KCNT1: variants seen among roughly 807,000 people sequenced by gnomAD.
The protein encoded by KCNT1 is potassium channel subfamily T member 1.
A neutral mutation model predicts 147.8 loss-of-function variants in KCNT1; 78 were observed. The ratio of observed to expected loss-of-function variants is 0.53; its 90% CI spans 0.44 to 0.64. The LOEUF (loss-of-function observed/expected upper bound fraction) is 0.64, where lower values mean the gene tolerates loss of function less well. Ranked by LOEUF, KCNT1 falls within the 30% of genes least tolerant of loss-of-function variation. The pLI is 0.00. For synonymous variants in KCNT1, 867 were observed against 748.8 expected (o/e 1.16, Z -2.58); for missense variants, 1,419 against 1,750.3 (o/e 0.81, Z 3.38).
intron 20 of KCNT1, among the ~76,000 whole-genome samples, chr9:135,776,115 T>TCA (rs1293790540): frequency 6.6e-6 from 1 of 151,974 alleles, no homozygotes; most frequent in African/African-American, 2.4e-5. Flanking sequence ...CAAGCTGGGG[T>TCA]CAGTAGGGTT....
intron 1 of KCNT1, among the ~76,000 whole-genome samples, chr9:135,705,271 A>G (rs1431539705): frequency 6.6e-6 from 1 of 152,178 alleles, no homozygotes; most frequent in Non-Finnish European, 1.5e-5. Context: ...CCCAGGTGCC[A>G]TCGGCCCTGG....
Position 135,786,249 on chromosome 9 carries a change from G to A in KCNT1, c.3230G>A (p.Gly1077Glu). The change falls in exon 29 of 31, where the codon GGG becomes GAG. Residue 1077 changes from glycine to glutamate, a missense_variant. Around this residue, in one of 5 missense-constraint regions of KCNT1, gnomAD observed 306 missense variants for 294.2 expected, o/e 1.04. Coordinates refer to ENST00000371757, the MANE Select transcript of KCNT1 (RefSeq NM_020822.3). ...EDCEDTREVK[G>E]PWGSRAGTGG... ...TGTGAGGACACACGGGAAGTGAAGG[G>A]GCCCTGGGGCTCCCGCGCTGGCACC... is the stretch of plus-strand genomic sequence containing the variant. 1 of 1,611,418 alleles carries A rather than the reference G, an allele frequency of 6.2e-7. No homozygotes were observed. The highest frequency in any genetic ancestry group is 1.3e-5 in the African/African-American group (1 of 74,966).
rs1831234323 is a variant in KCNT1, at chr9:135,752,514, C to T, written c.435-1423C>T. On this transcript the variant is annotated intron_variant, in intron 4 of 30. Coordinates refer to ENST00000371757, the MANE Select transcript of KCNT1 (RefSeq NM_020822.3). This position sits in a 1 kb window ranked among gnomAD's most constrained non-coding sequence, Gnocchi z 5.1. ...TGGGGCTTCTGGTTTCACATCCCCA[C>T]AGGGCCCAAGTCTGTTGTGTTCACT... 2.2e-6 allele frequency: 1 copy of T among 451,646 alleles called. No individual in the cohort carries two copies. Among genetic ancestry groups the T allele is most frequent in the Non-Finnish European group, 4.4e-6 (1 of 224,820 alleles). The allele number at this position is 451,646 out of a possible 1,614,324, so 28.0% of individuals were successfully genotyped here.
intron 10 of KCNT1, among the ~76,000 whole-genome samples, chr9:135,759,138 T>G (rs1420487647): frequency 6.6e-6 from 1 of 152,116 alleles, no homozygotes; most frequent in Non-Finnish European, 1.5e-5. Context: ...GGGGCATCCA[T>G]GAGGATAGCA....
At position 135,767,333 on chromosome 9, in the gene KCNT1, A is replaced by G. The variant is rs554842709; in HGVS notation, c.1338-1277A>G. On this transcript the variant is annotated intron_variant, in intron 13 of 30. Coordinates refer to ENST00000371757, the MANE Select transcript of KCNT1 (RefSeq NM_020822.3). ...CAGGGATGAGCCCAGGGCTGTGGGT[A>G]CAGGGCCTGGGGCCCCTGCGGAGCA... Among the ~76,000 whole-genome samples the G allele has an allele frequency of 1.2e-4, 18 of 152,326 alleles. No homozygotes were observed. In the East Asian group the frequency reaches 3.3e-3, roughly 28 times the overall value.
In KCNT1 at chr9:135,714,689, C is replaced by A; in HGVS notation, c.223C>A (p.Leu75Met). 1 of 1,468,498 alleles carries A rather than the reference C, an allele frequency of 6.8e-7. No homozygotes were observed. The highest frequency in any genetic ancestry group is 1.2e-5 in the South Asian group (1 of 80,662). The allele number at this position is 1,468,498 out of a possible 1,614,324, so 91.0% of individuals were successfully genotyped here. A position where few individuals can be genotyped will look rare whatever the true frequency, so the allele number is the denominator to read the frequency against. Residue 75 changes from leucine (L) to methionine (M), a missense_variant, in exon 2 of 31, where the codon CTG becomes ATG. Around this residue, in one of 5 missense-constraint regions of KCNT1, gnomAD observed 181 missense variants for 155.7 expected, o/e 1.16. Transcript: ENST00000371757. The surrounding 1 kb of genome is among the most constrained non-coding windows in gnomAD (Gnocchi z 6.2). The part of the protein sequence containing the change: ...PPRYRFRDLL[L>M]GDPSFQNDDR... ...GCGCTACCGCTTCCGGGACCTGCTG[C>A]TGGGCGACCCGTCCTTCCAGAACGA...
At chr9:135,785,987 C>T in intron 28 of KCNT1, 1 of 591,616 alleles carries the variant, frequency 1.7e-6, no homozygotes, top group Non-Finnish European at 3.0e-6. Flanking sequence ...GCGATCTGTG[C>T]TCAGGAGGAA....
rs778538243 is a variant in KCNT1 at position 135,759,860 on chromosome 9, G to T, written c.1035+1G>T. 6.3e-7 allele frequency: 1 copy of T among 1,599,658 alleles called. No homozygotes were observed. Among genetic ancestry groups the T allele is most frequent in the Admixed American group, 1.7e-5 (1 of 59,066 alleles). The stretch of plus-strand genomic sequence containing the variant: ...GGCCCTCGTGGTGCTCCCACTGCAG[G>T]TGGGTCCTCTGGGCACCAGCCCTGG... On this transcript the variant is annotated splice_donor_variant, in intron 11 of 30. Coordinates refer to ENST00000371757, the MANE Select transcript of KCNT1 (RefSeq NM_020822.3). LOFTEE classifies it high-confidence loss of function.
At chr9:135,777,624 G>A in intron 21 of KCNT1, 114 bp downstream of exon 21, 10 of 971,968 alleles carry the variant, frequency 1.0e-5, no homozygotes, top group Non-Finnish European at 1.5e-5. Flanking sequence ...GGAACATGGG[G>A]CCTCTGGCCT....
At chr9:135,758,165 A>G (rs1471359741) in intron 9 of KCNT1, among the ~76,000 whole-genome samples, 2 of 142,214 alleles carry the variant, frequency 1.4e-5, no homozygotes, top group African/African-American at 5.4e-5. Flanking sequence ...CTCAGCCGAG[A>G]CACAGGTGTG....
intron 1 of KCNT1, among the ~76,000 whole-genome samples, chr9:135,712,275 G>C (rs1835532740): frequency 6.6e-6 from 1 of 152,212 alleles, no homozygotes; most frequent in African/African-American, 2.4e-5. Context: ...TGAGGAGAGG[G>C]ACACCTTCCT....
chr9:135,748,630 T>G (rs1318486860), intron 2 of KCNT1, among the ~76,000 whole-genome samples: 3 of 152,202 alleles, frequency 2.0e-5, no homozygotes, highest in African/African-American at 7.2e-5. Context: ...CTCCCCCGAC[T>G]TCTGGACAGC....
At chr9:135,759,648 C>T in intron 10 of KCNT1, 31 bp from the exon 11 acceptor site, 1 of 1,569,338 alleles carries the variant, frequency 6.4e-7, no homozygotes, top group Non-Finnish European at 8.6e-7. Context: ...CTCCTGGGCC[C>T]CAGGCCGCCC....
At chr9:135,773,090 C>T (rs1307272124) in intron 19 of KCNT1, 141 bp downstream of exon 19, 3 of 568,212 alleles carry the variant, frequency 5.3e-6, no homozygotes, top group East Asian at 6.7e-5. Context: ...CCTTGTTTGA[C>T]AAATGAAATC....
At chr9:135,773,642 C>A (rs1279560021) in intron 19 of KCNT1, among the ~76,000 whole-genome samples, 2 of 152,394 alleles carry the variant, frequency 1.3e-5, no homozygotes, top group Admixed American at 6.5e-5. Flanking sequence ...CCAGGACAGA[C>A]AAGTGCCCCA....
chr9:135,712,566 C>G lies in KCNT1; in HGVS notation c.111-2011C>G, dbSNP rs1835545817. Among the ~76,000 whole-genome samples the G allele has an allele frequency of 1.3e-5, 2 of 152,046 alleles. 1 individual carries two copies. The highest frequency in any genetic ancestry group is 4.1e-4 in the South Asian group (2 of 4,822). ...CAACACTCCCCTCTCCCCCTGTGCC[C>G]AAAAAAGCTGGCCGATGTAGGCCTT... On this transcript the variant is annotated intron_variant, in intron 1 of 30. Coordinates refer to ENST00000371757, the MANE Select transcript of KCNT1 (RefSeq NM_020822.3).
intron 19 of KCNT1, among the ~76,000 whole-genome samples, chr9:135,774,135 GAT>G (rs1451830817): frequency 6.6e-6 from 1 of 151,400 alleles, no homozygotes; most frequent in Non-Finnish European, 1.5e-5. Flanking sequence ...TGTGTTGTGT[GAT>G]ATGTGATGTG....
At chr9:135,767,533 C>A (rs561604861) in intron 13 of KCNT1, among the ~76,000 whole-genome samples, 1 of 152,082 alleles carries the variant, frequency 6.6e-6, no homozygotes, top group Admixed American at 6.5e-5. Flanking sequence ...GGCCAGGGAG[C>A]GGACAGGGTC....
chr9:135,786,622 TC>T, intron 29 of KCNT1, 101 bp downstream of exon 29: 2 of 1,092,526 alleles, frequency 1.8e-6, no homozygotes, highest in Non-Finnish European at 2.5e-6. Flanking sequence ...GCCCGGGCCG[TC>T]CTCCTGTCTG....
Sources: allele counts gnomAD v4.1 joint callset (sites outside exome capture counted in the v4.1 genomes callset), GRCh38; gene constraint gnomAD v4.1.1; regional missense constraint gnomAD v4.1.1; non-coding constraint Gnocchi (gnomAD v3.1); transcripts MANE v1.5; gene names NCBI Gene and HGNC (gene_info 2026-07-23, HGNC 2026-07-21).